The following ING1 variants were observed in gnomAD, a reference collection of about 807,000 sequenced individuals.
The protein encoded by ING1 is inhibitor of growth family member 1.
ING1 carries 4 observed loss-of-function variants against 23.1 expected under a neutral mutation model. The observed-to-expected ratio is 0.17, with a 90% CI of 0.09 to 0.40. The LOEUF (loss-of-function observed/expected upper bound fraction) is 0.40. Ranked by LOEUF, ING1 falls within the 10% of genes least tolerant of loss-of-function variation. The pLI, the probability that ING1 is intolerant of heterozygous loss-of-function variation, is 1.00. For synonymous variants in ING1, 179 were observed against 166.4 expected (o/e 1.08, Z -0.58); for missense variants, 256 against 393.8 (o/e 0.65, Z 2.96).
upstream of ING1, chr13:110,713,049 A>G (rs759761142): frequency 4.8e-6 from 7 of 1,466,500 alleles, no homozygotes; most frequent in Non-Finnish European, 6.3e-6. Flanking sequence ...ATGCGCCGCC[A>G]CTTCCGCCCG....
At position 110,719,215 on chromosome 13, in the gene ING1, C is replaced by T; in HGVS notation, c.137-14C>T. The T allele has an allele frequency of 6.2e-7, 1 of 1,612,504 alleles. No individual in the cohort carries two copies. The highest frequency in any genetic ancestry group is 8.5e-7 in the Non-Finnish European group (1 of 1,179,438). Reference sequence around the variant, plus strand: ...GTCCTGCTCGCGAGTGACGCCTGTCCTTCTTGCCCCCAGAGATCCTGAAGG... The same window carrying T: ...GTCCTGCTCGCGAGTGACGCCTGTCTTTCTTGCCCCCAGAGATCCTGAAGG... On this transcript the variant is annotated splice_polypyrimidine_tract_variant and intron_variant, in intron 1 of 1. Transcript: ENST00000333219. This position sits in a 1 kb window ranked among gnomAD's most constrained non-coding sequence, Gnocchi z 8.9.
At position 110,719,286 on chromosome 13, in the gene ING1, C is replaced by T. The variant is rs1366834498; in HGVS notation, c.194C>T (p.Ala65Val). The change falls in exon 2 of 2, where the codon GCG becomes GTG. Residue 65 changes from alanine (A) to valine (V), a missense_variant. Physicochemically the swap from Ala to Val is moderately conservative, Grantham distance 64 (BLOSUM62 0). This residue lies in a region of ING1 where 209 missense variants were observed against 273.8 expected (regional missense o/e 0.76). Transcript: ENST00000333219. This position sits in a 1 kb window ranked among gnomAD's most constrained non-coding sequence, Gnocchi z 8.9. ...YERFSRETDG[A>V]QKRRMLHCVQ... ...CGCTTCAGTCGCGAGACAGACGGGG[C>T]GCAGAAGCGGCGGATGCTGCACTGT... 5 of 1,611,650 alleles carry T rather than the reference C, an allele frequency of 3.1e-6. No homozygotes were observed. The African/African-American group carries it at 6.7e-5, about 22-fold the overall frequency.
chr13:110,715,783 C>T, intron 1 of ING1: 1 of 1,592,344 alleles, frequency 6.3e-7, no homozygotes, highest in Non-Finnish European at 8.5e-7. Context: ...CTGGCCTCCT[C>T]CCCATTGGCT....
chr13:110,717,279 T>C (rs958730792), intron 1 of ING1, among the ~76,000 whole-genome samples: 2 of 152,228 alleles, frequency 1.3e-5, no homozygotes, highest in Non-Finnish European at 2.9e-5. Flanking sequence ...TTAATTACTA[T>C]ATGAGACTAG....
rs1190303357 is a variant in ING1, at chr13:110,722,108, GAA to G, written c.*2178_*2179del. The G allele has an allele frequency of 3.3e-5, 5 of 152,312 alleles. No individual in the cohort carries two copies. In the East Asian group the frequency reaches 9.6e-4, roughly 29 times the overall value. The allele number at this position is 152,312 out of a possible 1,614,324, so 9.4% of individuals were successfully genotyped here. A position where few individuals can be genotyped will look rare whatever the true frequency, so the allele number is the denominator to read the frequency against. ...TGGACATAAGTGTCTGTTTTACAGT[GAA>G]ATTCCATTATAGAGGGTTACTTGGT... On this transcript the variant is annotated 3_prime_UTR_variant, in exon 2 of 2. Coordinates refer to ENST00000333219, the MANE Select transcript of ING1 (RefSeq NM_198219.3).
intron 1 of ING1, chr13:110,715,325 T>TCTGCCGGGAAGGCGCCC: frequency 6.2e-6 from 9 of 1,442,166 alleles, no homozygotes; most frequent in South Asian, 1.5e-5. Context: ...ACTAGACGCC[T>TCTGCCGGGAAGGCGCCC]CTGCCGGGAA....
Position 110,719,310 on chromosome 13 carries a change from G to T in ING1, c.218G>T (p.Cys73Phe). The T allele has an allele frequency of 6.2e-7, 1 of 1,609,824 alleles. No homozygotes were observed. Among genetic ancestry groups the T allele is most frequent in the Non-Finnish European group, 8.5e-7 (1 of 1,179,856 alleles). Reference sequence around the variant, plus strand: ...GCGCAGAAGCGGCGGATGCTGCACTGTGTGCAGCGCGCGCTGATCCGCAGC... The same window carrying T: ...GCGCAGAAGCGGCGGATGCTGCACTTTGTGCAGCGCGCGCTGATCCGCAGC... ...DGAQKRRMLH[C>F]VQRALIRSQE... Residue 73 changes from cysteine to phenylalanine, a missense_variant, in exon 2 of 2, where the codon TGT (cysteine) becomes TTT (phenylalanine). By Grantham distance (205) the Cys-to-Phe change is radical. Around this residue, in one of 3 missense-constraint regions of ING1, gnomAD observed 209 missense variants for 273.8 expected, o/e 0.76. Transcript: ENST00000333219. This position sits in a 1 kb window ranked among gnomAD's most constrained non-coding sequence, Gnocchi z 8.9.
chr13:110,715,865 C>T (rs1236856811), intron 1 of ING1: 4 of 1,595,498 alleles, frequency 2.5e-6, no homozygotes, highest in African/African-American at 1.3e-5. Context: ...GGATTTATAG[C>T]AGTAGCAGTG....
chr13:110,713,175 A>G, upstream of ING1: 1 of 1,427,574 alleles, frequency 7.0e-7, no homozygotes, highest in Non-Finnish European at 9.1e-7. Context: ...TGGGCTGTCA[A>G]AGTGATGTTG....
In ING1 at chr13:110,715,827, C is replaced by G. The variant is rs1039122340; in HGVS notation, c.136+1542C>G. On this transcript the variant is annotated intron_variant, in intron 1 of 1. Transcript: ENST00000333219. The stretch of plus-strand genomic sequence containing the variant: ...GGCGGGTGTCGCCCCGGCCCCTCTC[C>G]CCGCTCAGCCCGGCCACTTTCGGGC... 3.1e-6 allele frequency: 5 copies of G among 1,587,434 alleles called. No individual in the cohort carries two copies. In the African/African-American group the frequency reaches 6.7e-5, roughly 21 times the overall value.
intron 1 of ING1, among the ~76,000 whole-genome samples, chr13:110,718,509 A>T (rs2064142431): frequency 6.6e-6 from 1 of 152,348 alleles, no homozygotes; most frequent in African/African-American, 2.4e-5. Flanking sequence ...ATACAGAGGG[A>T]TAACATGCTA....
Position 110,719,149 on chromosome 13 carries a change from C to T in ING1, c.137-80C>T, listed in dbSNP as rs2064149109. The T allele has an allele frequency of 7.1e-7, 1 of 1,417,968 alleles. No individual in the cohort carries two copies. Among genetic ancestry groups the T allele is most frequent in the South Asian group, 1.3e-5 (1 of 78,898 alleles). The allele number at this position is 1,417,968 out of a possible 1,614,324, so 87.8% of individuals were successfully genotyped here. ...CTGGCCCCTAGGCTCCCTGCCAGCC[C>T]TCTCCGTAGACCCGTCCGGGGCCGT... On this transcript the variant is annotated intron_variant, in intron 1 of 1. Transcript: ENST00000333219. This position sits in a 1 kb window ranked among gnomAD's most constrained non-coding sequence, Gnocchi z 8.9.
chr13:110,713,457 G>T (rs1594449628), upstream of ING1: 6 of 990,998 alleles, frequency 6.1e-6, no homozygotes, highest in Non-Finnish European at 7.2e-6. Flanking sequence ...TTTGCGCCTC[G>T]CCCGCCGTCC....
upstream of ING1, chr13:110,713,581 G>A: frequency 2.0e-6 from 2 of 985,856 alleles, no homozygotes; most frequent in Non-Finnish European, 2.4e-6. Context: ...CCCAGGGCCT[G>A]GGACGGTGAG....
In ING1 at chr13:110,713,742, G is replaced by C. The variant is rs2064070103; in HGVS notation, c.-408G>C. The C allele has an allele frequency of 1.0e-6, 1 of 985,222 alleles. No homozygotes were observed. The highest frequency in any genetic ancestry group is 1.2e-6 in the Non-Finnish European group (1 of 829,886). The allele number at this position is 985,222 out of a possible 1,614,324, so 61.0% of individuals were successfully genotyped here. ...CAAGTGCGGCTCGGCGGCCAGCGGA[G>C]CGCGCCCCTTCCCGCTGCCCGCTCC... On this transcript the variant is annotated 5_prime_UTR_variant, in exon 1 of 2. Transcript: ENST00000333219.
chr13:110,722,432 A>G lies in ING1; in HGVS notation c.*2500A>G, dbSNP rs1396121352. The G allele has an allele frequency of 6.6e-6, 1 of 152,260 alleles. No individual in the cohort carries two copies. The highest frequency in any genetic ancestry group is 1.5e-5 in the Non-Finnish European group (1 of 68,038). The allele number at this position is 152,260 out of a possible 1,614,324, so 9.4% of individuals were successfully genotyped here. A position where few individuals can be genotyped will look rare whatever the true frequency, so the allele number is the denominator to read the frequency against. On this transcript the variant is annotated 3_prime_UTR_variant, in exon 2 of 2. Transcript: ENST00000333219. ...TTAATTGGAGGTAATAATGCAAATT[A>G]AGTTATAGAAATGAAGATTCAATGA...
chr13:110,712,968 C>T (rs2064051181), upstream of ING1: 3 of 1,560,278 alleles, frequency 1.9e-6, no homozygotes, highest in African/African-American at 1.4e-5. Flanking sequence ...GTGGTCCGGC[C>T]GCGGAATGGG....
chr13:110,714,936 G>T, intron 1 of ING1: 5 of 968,764 alleles, frequency 5.2e-6, no homozygotes, highest in Non-Finnish European at 6.1e-6. Flanking sequence ...TGCGGAGGAC[G>T]AGGGCTTTTC....
chr13:110,717,859 G>A (rs1218564213), intron 1 of ING1, among the ~76,000 whole-genome samples: 2 of 152,174 alleles, frequency 1.3e-5, no homozygotes, highest in Non-Finnish European at 2.9e-5. Flanking sequence ...TTGTTGCCTT[G>A]TTTAAAGAGA....
Sources: allele counts gnomAD v4.1 joint callset (sites outside exome capture counted in the v4.1 genomes callset), GRCh38; gene constraint gnomAD v4.1.1; regional missense constraint gnomAD v4.1.1; non-coding constraint Gnocchi (gnomAD v3.1); transcripts MANE v1.5; gene names NCBI Gene and HGNC (gene_info 2026-07-23, HGNC 2026-07-21).